Variants in MGLL observed in about 807,000 individuals in gnomAD.
The protein encoded by MGLL is lysophospholipase homolog.
Under a neutral mutation model 29.1 loss-of-function variants are expected in MGLL, and 7 were observed. The observed-to-expected ratio is 0.24, with a 90% CI of 0.14 to 0.45. MGLL has a LOEUF of 0.45. Ranked by LOEUF, MGLL falls within the 20% of genes least tolerant of loss-of-function variation. The pLI is 0.99. For synonymous variants in MGLL, 148 were observed against 168.3 expected (o/e 0.88, Z 0.93); for missense variants, 356 against 413.6 (o/e 0.86, Z 1.21).
At chr3:127,760,994 G>A (rs1373402704) in intron 3 of MGLL, among the ~76,000 whole-genome samples, 1 of 152,126 alleles carries the variant, frequency 6.6e-6, no homozygotes, top group East Asian at 1.9e-4. Flanking sequence ...CTTTAAACAG[G>A]GCTCATCCTC....
At chr3:127,699,445 T>C (rs1336741818) in intron 6 of MGLL, among the ~76,000 whole-genome samples, 1 of 152,338 alleles carries the variant, frequency 6.6e-6, no homozygotes, top group East Asian at 1.9e-4. Context: ...CTTGACTCTT[T>C]ACTAGGTGCT....
At chr3:127,791,366 A>C (rs1288232261) in intron 2 of MGLL, 1 of 152,180 alleles carries the variant, frequency 6.6e-6, no homozygotes, top group African/African-American at 2.4e-5. Flanking sequence ...CCTGCTTCAA[A>C]GCTCTCTGAG....
intron 6 of MGLL, among the ~76,000 whole-genome samples, chr3:127,704,171 C>T (rs2075554141): frequency 2.6e-5 from 4 of 152,162 alleles, no homozygotes; most frequent in Admixed American, 2.6e-4. Context: ...AACTGGCTAG[C>T]CATATGCAGA....
At chr3:127,779,530 T>C (rs2077088852) in intron 3 of MGLL, among the ~76,000 whole-genome samples, 1 of 151,690 alleles carries the variant, frequency 6.6e-6, no homozygotes, top group African/African-American at 2.4e-5. Flanking sequence ...GTCTAGACAG[T>C]TGTGGCTGTA....
chr3:127,804,837 C>T (rs2077538479), intron 2 of MGLL, among the ~76,000 whole-genome samples: 1 of 152,114 alleles, frequency 6.6e-6, no homozygotes, highest in East Asian at 1.9e-4. Context: ...GCAGGCACCT[C>T]GACCCCTGGA....
At chr3:127,754,902 T>C (rs1339374731) in intron 3 of MGLL, among the ~76,000 whole-genome samples, 2 of 152,210 alleles carry the variant, frequency 1.3e-5, no homozygotes, top group African/African-American at 4.8e-5. Flanking sequence ...CCAGGCTCTT[T>C]AGAGGGAAGC....
chr3:127,697,503 G>C lies in MGLL; in HGVS notation c.601-2313C>G, dbSNP rs573934817. 3.5e-4 allele frequency among the ~76,000 whole-genome samples: 53 copies of C among 152,242 alleles called. 1 individual carries two copies. The East Asian group carries it at 4.8e-3, about 14-fold the overall frequency. Reference sequence around the variant, plus strand: ...AAGGCACAGAGAGGCTTGTCAACCTGCCTGCTGTTAGTTGCCCCAATTCTT... The same window carrying C: ...AAGGCACAGAGAGGCTTGTCAACCTCCCTGCTGTTAGTTGCCCCAATTCTT... On this transcript the variant is annotated intron_variant, in intron 6 of 7. Coordinates refer to ENST00000265052, the MANE Select transcript of MGLL (RefSeq NM_007283.7).
chr3:127,720,904 C>CA, intron 5 of MGLL, 149 bp downstream of exon 5: 1 of 712,162 alleles, frequency 1.4e-6, no homozygotes, highest in Non-Finnish European at 2.5e-6. Flanking sequence ...CCGGTGGCAA[C>CA]AGTGTTGGAT....
intron 6 of MGLL, among the ~76,000 whole-genome samples, chr3:127,697,240 G>C (rs1027041741): frequency 2.0e-5 from 3 of 152,244 alleles, no homozygotes; most frequent in African/African-American, 7.2e-5. Flanking sequence ...AAGGAGGGCT[G>C]TAGGGCCCGC....
chr3:127,747,284 C>A (rs1473225700), intron 3 of MGLL, among the ~76,000 whole-genome samples: 2 of 152,190 alleles, frequency 1.3e-5, no homozygotes, highest in East Asian at 3.9e-4. Context: ...CTTGCACACA[C>A]ACCTGCTCCA....
intron 5 of MGLL, chr3:127,712,373 C>T (rs975591698): frequency 9.2e-5 from 14 of 152,274 alleles, no homozygotes; most frequent in African/African-American, 3.4e-4. Flanking sequence ...CTGCCCACCA[C>T]GATTGTTTCT....
chr3:127,695,470 A>G (rs2075341792), intron 6 of MGLL, among the ~76,000 whole-genome samples: 1 of 152,360 alleles, frequency 6.6e-6, no homozygotes, highest in African/African-American at 2.4e-5. Context: ...CATGCCTGTA[A>G]TCCCAGAACT....
At chr3:127,793,026 A>G (rs2107725716) in intron 2 of MGLL, among the ~76,000 whole-genome samples, 1 of 152,344 alleles carries the variant, frequency 6.6e-6, no homozygotes, top group Non-Finnish European at 1.5e-5. Context: ...TCTTGGGAGC[A>G]ATGATGTTGA....
intron 3 of MGLL, among the ~76,000 whole-genome samples, chr3:127,744,350 G>A (rs898536713): frequency 1.3e-5 from 2 of 152,170 alleles, no homozygotes; most frequent in African/African-American, 2.4e-5. Context: ...ATCACGCTGC[G>A]GGATGACGAT....
intron 6 of MGLL, among the ~76,000 whole-genome samples, chr3:127,707,989 A>C (rs915560745): frequency 1.3e-5 from 2 of 151,958 alleles, no homozygotes; most frequent in African/African-American, 4.8e-5. Context: ...GGGCCTGTGC[A>C]CTCTTGAGTC....
intron 3 of MGLL, among the ~76,000 whole-genome samples, chr3:127,748,428 G>GA (rs1553762671): frequency 1.7e-5 from 2 of 119,636 alleles, no homozygotes; most frequent in African/African-American, 5.6e-5. Context: ...GAGAGAGAGA[G>GA]GGAGAGAGAG....
intron 5 of MGLL, among the ~76,000 whole-genome samples, chr3:127,716,826 G>A (rs942899917): frequency 2.6e-5 from 4 of 152,174 alleles, no homozygotes; most frequent in African/African-American, 7.2e-5. Context: ...GTCATAGGAC[G>A]GCCATGTGGG....
intron 3 of MGLL, among the ~76,000 whole-genome samples, chr3:127,728,272 A>C (rs992890273): frequency 2.0e-5 from 3 of 152,028 alleles, no homozygotes; most frequent in African/African-American, 4.8e-5. Context: ...CCCTCTAAGC[A>C]TTTCTTTTTG....
At chr3:127,694,009 C>T (rs758419749) in intron 7 of MGLL, among the ~76,000 whole-genome samples, 28 of 152,062 alleles carry the variant, frequency 1.8e-4, no homozygotes, top group South Asian at 8.3e-4. Context: ...AGGTGGCTCA[C>T]GCCTGCAATC....
Sources: gnomAD v4.1 joint callset for allele counts (sites outside exome capture counted in the v4.1 genomes callset) on GRCh38, gnomAD v4.1.1 for gene constraint, MANE v1.5 for transcripts, NCBI Gene and HGNC (gene_info 2026-07-23, HGNC 2026-07-21) for gene names.